XKR6: variants seen among roughly 807,000 people sequenced by gnomAD.
The protein encoded by XKR6 is XK related 6.
Under a neutral mutation model 56.7 loss-of-function variants are expected in XKR6, and 22 were observed. The observed-to-expected ratio is 0.39, with a 90% CI of 0.28 to 0.55. The LOEUF (loss-of-function observed/expected upper bound fraction) is 0.55. Among genes scored for constraint, XKR6 ranks in the 20% least tolerant of loss-of-function variants. The probability of loss-of-function intolerance (pLI) is 0.66; values close to 1 mark genes in which losing one functional copy is unlikely to be tolerated. For missense variants in XKR6, 852 were observed against 889.0 expected (o/e 0.96, Z 0.53); for synonymous variants, 524 against 387.8 (o/e 1.35, Z -4.13).
rs75947773 is a variant in XKR6 at position 10,923,577 on chromosome 8, G to A, written c.961+1057C>T. ...TTTTGCCTAAGTACCTAGGGGGATT[G>A]GAGCCTACAGAGGGCCAGCTTGGAA... On this transcript the variant is annotated intron_variant, in intron 2 of 2. Coordinates refer to ENST00000416569, the MANE Select transcript of XKR6 (RefSeq NM_173683.4). Among the ~76,000 whole-genome samples the A allele has an allele frequency of 3.9e-5, 6 of 152,382 alleles. No individual in the cohort carries two copies. In the East Asian group the frequency reaches 1.2e-3, roughly 29 times the overall value.
At chr8:11,047,880 T>G (rs1313772634) in intron 1 of XKR6, among the ~76,000 whole-genome samples, 1 of 152,246 alleles carries the variant, frequency 6.6e-6, no homozygotes, top group Non-Finnish European at 1.5e-5. Flanking sequence ...TGGATGACAC[T>G]TCTTTCAGTT....
At chr8:10,960,374 C>G (rs1002838515) in intron 1 of XKR6, among the ~76,000 whole-genome samples, 8 of 152,302 alleles carry the variant, frequency 5.3e-5, no homozygotes, top group African/African-American at 1.7e-4. Context: ...ACGGTCATAG[C>G]GTTACCCTGG....
At chr8:10,945,104 C>A (rs760089238) in intron 1 of XKR6, among the ~76,000 whole-genome samples, 1 of 152,168 alleles carries the variant, frequency 6.6e-6, no homozygotes, top group African/African-American at 2.4e-5. Context: ...CTCCACCCCA[C>A]GCCACCCAGC....
At chr8:11,080,540 G>C (rs1374492610) in intron 1 of XKR6, among the ~76,000 whole-genome samples, 1 of 152,228 alleles carries the variant, frequency 6.6e-6, no homozygotes, top group Non-Finnish European at 1.5e-5. Flanking sequence ...GTCAACACTT[G>C]CCACTGCTGT....
intron 1 of XKR6, among the ~76,000 whole-genome samples, chr8:11,091,730 G>C (rs986256276): frequency 6.6e-6 from 1 of 152,102 alleles, no homozygotes; most frequent in African/African-American, 2.4e-5. Context: ...CCCTGCAGCC[G>C]TGGGGCCGGG....
intron 1 of XKR6, among the ~76,000 whole-genome samples, chr8:11,060,342 T>C (rs1036344115): frequency 6.6e-6 from 1 of 152,148 alleles, no homozygotes; most frequent in African/African-American, 2.4e-5. Flanking sequence ...CCTCCACCTC[T>C]CCAGGCCTCC....
At chr8:11,070,754 GA>G (rs1483479521) in intron 1 of XKR6, among the ~76,000 whole-genome samples, 1 of 152,214 alleles carries the variant, frequency 6.6e-6, no homozygotes, top group Non-Finnish European at 1.5e-5. Context: ...AGGCAAAGTA[GA>G]AAAGGCTTCC....
chr8:11,167,336 A>C (rs142831868), intron 1 of XKR6, among the ~76,000 whole-genome samples: 1 of 152,308 alleles, frequency 6.6e-6, no homozygotes, highest in East Asian at 1.9e-4. Flanking sequence ...ATATTCCAAG[A>C]ATGGGACCCT....
At chr8:10,979,995 C>T (rs560145576) in intron 1 of XKR6, among the ~76,000 whole-genome samples, 32 of 152,362 alleles carry the variant, frequency 2.1e-4, no homozygotes, top group African/African-American at 5.8e-4. Context: ...GCTGCTGCCC[C>T]GTCCTGGCTC....
chr8:11,098,777 C>T (rs1798356407), intron 1 of XKR6, among the ~76,000 whole-genome samples: 1 of 152,030 alleles, frequency 6.6e-6, no homozygotes, highest in Non-Finnish European at 1.5e-5. Flanking sequence ...CATTCTTGGA[C>T]GAATAAAAAG....
chr8:11,117,422 GA>G (rs1563148787), intron 1 of XKR6, among the ~76,000 whole-genome samples: 1 of 152,240 alleles, frequency 6.6e-6, no homozygotes, highest in East Asian at 1.9e-4. Flanking sequence ...TTATCAGTCA[GA>G]AAATCCCAAA....
intron 1 of XKR6, among the ~76,000 whole-genome samples, chr8:11,179,760 T>C (rs1196908976): frequency 6.6e-6 from 1 of 152,226 alleles, no homozygotes; most frequent in Non-Finnish European, 1.5e-5. Context: ...CAAATTACTG[T>C]GCAGGAGACA....
At position 10,988,697 on chromosome 8, in the gene XKR6, A is replaced by C. The variant is rs578053008; in HGVS notation, c.765-63867T>G. Among the ~76,000 whole-genome samples the C allele has an allele frequency of 2.0e-5, 3 of 152,334 alleles. No individual in the cohort carries two copies. In the East Asian group the frequency reaches 5.8e-4, roughly 29 times the overall value. On this transcript the variant is annotated intron_variant, in intron 1 of 2. Coordinates refer to ENST00000416569, the MANE Select transcript of XKR6 (RefSeq NM_173683.4). ...GAGCCAAGGAGAATGAAGGTATCAC[A>C]GTCACAGAAATCGGCACCAACTTGG...
intron 1 of XKR6, among the ~76,000 whole-genome samples, chr8:11,132,241 T>C (rs998331338): frequency 6.6e-6 from 1 of 152,150 alleles, no homozygotes; most frequent in Non-Finnish European, 1.5e-5. Flanking sequence ...AAGATCAAAG[T>C]GAATGCATCA....
chr8:11,134,439 T>C (rs1169987106), intron 1 of XKR6, among the ~76,000 whole-genome samples: 3 of 152,154 alleles, frequency 2.0e-5, no homozygotes, highest in South Asian at 2.1e-4. Flanking sequence ...CAACTTGGCA[T>C]TGACTACTCC....
chr8:11,137,721 A>C (rs1410885053), intron 1 of XKR6: 2 of 456,150 alleles, frequency 4.4e-6, no homozygotes, highest in Admixed American at 2.3e-5. Flanking sequence ...CTGAAATAGG[A>C]AAGAAGAAAA....
chr8:11,010,056 G>C (rs905259461), intron 1 of XKR6, among the ~76,000 whole-genome samples: 1 of 152,188 alleles, frequency 6.6e-6, no homozygotes, highest in Non-Finnish European at 1.5e-5. Context: ...TCTTGGTTCT[G>C]CAGACTGTAC....
chr8:11,042,420 G>C (rs1406054723), intron 1 of XKR6, among the ~76,000 whole-genome samples: 3 of 152,128 alleles, frequency 2.0e-5, no homozygotes, highest in African/African-American at 7.2e-5. Context: ...TCTCAAGATA[G>C]TGAGTGAGTT....
chr8:11,196,588 C>A (rs17783634), intron 1 of XKR6, among the ~76,000 whole-genome samples: 77,653 of 152,096 alleles, frequency 0.51, 21,548 homozygotes, highest in African/African-American at 0.7. Flanking sequence ...TAATGGTACC[C>A]GATCATTCCT....
Sources: gnomAD v4.1 joint callset for allele counts (sites outside exome capture counted in the v4.1 genomes callset) on GRCh38, gnomAD v4.1.1 for gene constraint, MANE v1.5 for transcripts, NCBI Gene and HGNC (gene_info 2026-07-23, HGNC 2026-07-21) for gene names.